LIPK: variants seen among roughly 807,000 people sequenced by gnomAD.
LIPK encodes the protein lipase member K.
LIPK carries 32 observed loss-of-function variants against 48.6 expected under a neutral mutation model. The ratio of observed to expected loss-of-function variants is 0.66; its 90% CI spans 0.50 to 0.88. The LOEUF (loss-of-function observed/expected upper bound fraction) is 0.88. LIPK is among the 40% of genes least tolerant of loss of function. The pLI is 0.00. For synonymous variants in LIPK, 164 were observed against 157.4 expected (o/e 1.04, Z -0.32); for missense variants, 507 against 478.5 (o/e 1.06, Z -0.56).
chr10:88,713,593 G>A (rs1041276342), intron 1 of LIPK, among the ~76,000 whole-genome samples: 1 of 152,098 alleles, frequency 6.6e-6, no homozygotes, highest in Non-Finnish European at 1.5e-5. Flanking sequence ...ATTAGATATA[G>A]TGGGTTTTGT....
intron 6 of LIPK, among the ~76,000 whole-genome samples, chr10:88,733,264 A>G (rs1842505036): frequency 6.6e-6 from 1 of 152,198 alleles, no homozygotes; most frequent in Non-Finnish European, 1.5e-5. Context: ...TCTAGTTGAC[A>G]GCTAACTAAT....
chr10:88,730,796 A>G (rs1842448917), intron 3 of LIPK, among the ~76,000 whole-genome samples, 187 bp from the exon 4 acceptor site: 1 of 152,226 alleles, frequency 6.6e-6, no homozygotes. Flanking sequence ...CAAATGAGAA[A>G]ACAAGACAGA....
At chr10:88,748,633 GA>G (rs1379700558) in intron 9 of LIPK, among the ~76,000 whole-genome samples, 2 of 145,908 alleles carry the variant, frequency 1.4e-5, no homozygotes, top group African/African-American at 5.0e-5. Flanking sequence ...AAAAAAAAAA[GA>G]AAACAATAAT....
At chr10:88,722,127 G>A (rs747992950) in intron 1 of LIPK, among the ~76,000 whole-genome samples, 11 of 152,072 alleles carry the variant, frequency 7.2e-5, no homozygotes, top group Non-Finnish European at 1.0e-4. Context: ...GTGAAACCCC[G>A]TCTCTACTAA....
chr10:88,752,509 G>T lies in LIPK; in HGVS notation c.961-8G>T. 6.5e-7 allele frequency: 1 copy of T among 1,531,168 alleles called. No individual in the cohort carries two copies. Among genetic ancestry groups the T allele is most frequent in the Non-Finnish European group, 8.9e-7 (1 of 1,128,318 alleles). 94.8% of individuals were successfully genotyped at this position (1,531,168 alleles called of 1,614,324 possible). A position where few individuals can be genotyped will look rare whatever the true frequency, so the allele number is the denominator to read the frequency against. On this transcript the variant is annotated splice_region_variant and splice_polypyrimidine_tract_variant and intron_variant, in intron 9 of 9. Transcript: ENST00000404190. ...AAAACTTTTCTCTCTCTCTTTTATT[G>T]TATTTAGCTTACACCTCCTTTATAC...
chr10:88,721,896 C>A (rs1289175478), intron 1 of LIPK, among the ~76,000 whole-genome samples: 2 of 152,166 alleles, frequency 1.3e-5, no homozygotes, highest in East Asian at 3.8e-4. Context: ...AGGACCTGAT[C>A]AACATTCGAA....
chr10:88,731,398 T>G (rs557794285), intron 4 of LIPK, among the ~76,000 whole-genome samples: 140 of 152,328 alleles, frequency 9.2e-4, no homozygotes, highest in African/African-American at 3.4e-3. Context: ...TCCGTCCTGG[T>G]GTCTGCGTGT....
intron 8 of LIPK, among the ~76,000 whole-genome samples, chr10:88,740,652 A>G (rs1032810850): frequency 5.9e-5 from 9 of 152,266 alleles, no homozygotes; most frequent in African/African-American, 2.2e-4. Flanking sequence ...GCATGCGCAC[A>G]CACGTGCATG....
At position 88,743,216 on chromosome 10, in the gene LIPK, CTTATA is replaced by C. The variant is rs556895959; in HGVS notation, c.889-29_889-25del. ...ACTGTCTTTAAATGTACACTATTTTCTTATATTATTTTAACGTGCTTATTTTATTT... is the reference window on the plus strand; with the variant it reads ...ACTGTCTTTAAATGTACACTATTTTCTTATTTTAACGTGCTTATTTTATTT... On this transcript the variant is annotated intron_variant, in intron 8 of 9. Transcript: ENST00000404190. The C allele has an allele frequency of 8.3e-6, 12 of 1,446,758 alleles. No individual in the cohort carries two copies. In the South Asian group the frequency reaches 1.1e-4, roughly 13 times the overall value. 89.6% of individuals were successfully genotyped at this position (1,446,758 alleles called of 1,614,324 possible).
chr10:88,741,269 G>A (rs993352863), intron 8 of LIPK, among the ~76,000 whole-genome samples: 41 of 152,262 alleles, frequency 2.7e-4, no homozygotes, highest in African/African-American at 9.1e-4. Context: ...ACGTTACCCA[G>A]GCTGAAGTAC....
intron 3 of LIPK, among the ~76,000 whole-genome samples, chr10:88,730,413 CCG>C (rs931234369): frequency 6.6e-6 from 1 of 152,086 alleles, no homozygotes; most frequent in Admixed American, 6.5e-5. Flanking sequence ...CCTCAGCCTC[CCG>C]AGTAGCTGGG....
rs569087635 is a variant in LIPK at position 88,737,922 on chromosome 10, A to G, written c.816+141A>G. 1,025 of 865,602 alleles carry G rather than the reference A, an allele frequency of 1.2e-3. 5 individuals are homozygous for G. Among genetic ancestry groups the G allele is most frequent in the Middle Eastern group, 6.4e-3 (24 of 3,754 alleles). The allele number at this position is 865,602 out of a possible 1,614,324, so 53.6% of individuals were successfully genotyped here. On this transcript the variant is annotated intron_variant, in intron 7 of 9. Coordinates refer to ENST00000404190, the MANE Select transcript of LIPK (RefSeq NM_001080518.2). ...GTAATTAGTACATTTATGGCTTCCA[A>G]TGAGGGTTGAGAGTCCACTTGCTTT...
intron 3 of LIPK, chr10:88,728,303 G>A (rs541375784): frequency 2.3e-5 from 4 of 176,020 alleles, no homozygotes; most frequent in South Asian, 1.2e-4. Flanking sequence ...CCAGGAGATC[G>A]CCAGCCGCAG....
chr10:88,728,684 G>T, intron 3 of LIPK: 10 of 460,812 alleles, frequency 2.2e-5, no homozygotes, highest in South Asian at 1.7e-4. Flanking sequence ...AGTCTGGGAC[G>T]CAGAGCAGGT....
chr10:88,709,032 A>G (rs1307067937), intron 1 of LIPK, among the ~76,000 whole-genome samples: 1 of 152,228 alleles, frequency 6.6e-6, no homozygotes, highest in African/African-American at 2.4e-5. Flanking sequence ...ATGAAAAATG[A>G]TTAAGCATTA....
intron 9 of LIPK, among the ~76,000 whole-genome samples, chr10:88,750,941 G>A (rs896145222): frequency 6.6e-6 from 1 of 152,074 alleles, no homozygotes; most frequent in African/African-American, 2.4e-5. Context: ...AAACATGTTT[G>A]TTTTTAAAGT....
intron 9 of LIPK, among the ~76,000 whole-genome samples, chr10:88,745,346 C>T (rs1361679891): frequency 6.6e-6 from 1 of 151,994 alleles, no homozygotes; most frequent in Non-Finnish European, 1.5e-5. Context: ...TCTCCAAGGT[C>T]TATATGAAAG....
chr10:88,712,610 G>T, intron 1 of LIPK, among the ~76,000 whole-genome samples: 1 of 151,844 alleles, frequency 6.6e-6, no homozygotes, highest in Non-Finnish European at 1.5e-5. Flanking sequence ...ATTAATTCCA[G>T]GCTCCATACT....
intron 1 of LIPK, among the ~76,000 whole-genome samples, chr10:88,720,715 G>GCACACACACACA (rs3068334): frequency 0.015 from 2,213 of 150,178 alleles, 53 homozygotes; most frequent in African/African-American, 0.05. Context: ...CAAGTTTTAT[G>GCACACACACACA]CACACACACA....
Sources: gnomAD v4.1 joint callset for allele counts (sites outside exome capture counted in the v4.1 genomes callset) on GRCh38, gnomAD v4.1.1 for gene constraint, MANE v1.5 for transcripts, NCBI Gene and HGNC (gene_info 2026-07-23, HGNC 2026-07-21) for gene names.